The following LNX1 variants were observed in gnomAD, a reference collection of about 807,000 sequenced individuals.
The protein encoded by LNX1 is ligand of numb-protein X 1, also known as E3 ubiquitin-protein ligase LNX.
Under a neutral mutation model 68.4 loss-of-function variants are expected in LNX1, and 54 were observed. The observed-to-expected ratio is 0.79, with a 90% CI of 0.63 to 0.99. LNX1 has a LOEUF of 0.99. LNX1 is among the 50% of genes least tolerant of loss of function. The pLI, the probability that LNX1 is intolerant of heterozygous loss-of-function variation, is 0.00. For missense variants in LNX1, 906 were observed against 926.4 expected (o/e 0.98, Z 0.29); for synonymous variants, 336 against 350.0 (o/e 0.96, Z 0.45).
chr4:53,481,736 C>T lies in LNX1; in HGVS notation c.1469G>A (p.Arg490Lys). The T allele has an allele frequency of 2.5e-6, 4 of 1,613,798 alleles. No homozygotes were observed. Among genetic ancestry groups the T allele is most frequent in the Non-Finnish European group, 1.7e-6 (2 of 1,179,802 alleles). ...AGGCCTCACCTTGGGAGTGTTGCTC[C>T]TCTCCCCTGGCCCTGGGGACCAGCT... ...NGSWSPGPGE[R>K]SNTPKPLHPT... is the part of the protein sequence containing the mutation. Residue 490 changes from arginine to lysine, a missense_variant, in exon 7 of 11, where the codon AGG (arginine) becomes AAG (lysine). Physicochemically the swap from Arg to Lys is conservative, Grantham distance 26 (BLOSUM62 2). Coordinates refer to ENST00000263925, the MANE Select transcript of LNX1 (RefSeq NM_001126328.3).
intron 2 of LNX1, among the ~76,000 whole-genome samples, chr4:53,515,549 A>C (rs1460020021): frequency 6.6e-5 from 10 of 152,012 alleles, no homozygotes; most frequent in Non-Finnish European, 7.3e-5. Flanking sequence ...AGACCGACTT[A>C]AGAAACTGAT....
chr4:53,542,274 CA>C (rs1728815100), intron 2 of LNX1, among the ~76,000 whole-genome samples: 3 of 152,240 alleles, frequency 2.0e-5, no homozygotes, highest in Admixed American at 1.3e-4. Context: ...TTTAAATGAT[CA>C]CAGACAAATT....
intron 2 of LNX1, among the ~76,000 whole-genome samples, chr4:53,609,001 T>A (rs528549583): frequency 6.6e-6 from 1 of 152,172 alleles, no homozygotes; most frequent in East Asian, 1.9e-4. Context: ...AATACCCAAC[T>A]TCAAACCATA....
Position 53,576,097 on chromosome 4 carries a change from G to A in LNX1, c.-86-2009C>T, listed in dbSNP as rs184787637. The A allele has an allele frequency of 4.1e-4, 631 of 1,551,934 alleles. 2 individuals carry two copies. The African/African-American group carries it at 7.6e-3, about 19-fold the overall frequency. ...AGACCTGGTCGGGGACTTGGCCAGC[G>A]TGGTATTTGGGAGCCAGCGGCCCCT... On this transcript the variant is annotated intron_variant, in intron 1 of 10. Coordinates refer to ENST00000263925, the MANE Select transcript of LNX1 (RefSeq NM_001126328.3).
intron 2 of LNX1, among the ~76,000 whole-genome samples, chr4:53,544,381 G>C (rs1473372931): frequency 6.6e-6 from 1 of 152,170 alleles, no homozygotes; most frequent in Non-Finnish European, 1.5e-5. Flanking sequence ...TTTTAGTAAA[G>C]ACAGGGTTTC....
At chr4:53,466,824 T>TTA (rs1480885063) in intron 9 of LNX1, among the ~76,000 whole-genome samples, 2 of 152,196 alleles carry the variant, frequency 1.3e-5, no homozygotes, top group Non-Finnish European at 2.9e-5. Flanking sequence ...GTAAAGAAAG[T>TTA]GGCCTGGAAG....
At chr4:53,471,456 A>G (rs892756582) in intron 9 of LNX1, among the ~76,000 whole-genome samples, 1 of 152,058 alleles carries the variant, frequency 6.6e-6, no homozygotes, top group African/African-American at 2.4e-5. Context: ...CTAAAACATC[A>G]AAAGCAATGG....
At chr4:53,500,710 T>A (rs1167277291) in intron 4 of LNX1, among the ~76,000 whole-genome samples, 1 of 152,206 alleles carries the variant, frequency 6.6e-6, no homozygotes, top group Non-Finnish European at 1.5e-5. Flanking sequence ...AAGGCAGGGG[T>A]AAGCTGGCTT....
At chr4:53,582,898 C>G (rs1459243773) in intron 1 of LNX1, among the ~76,000 whole-genome samples, 2 of 152,040 alleles carry the variant, frequency 1.3e-5, no homozygotes, top group African/African-American at 2.4e-5. Flanking sequence ...ACCAAACAGA[C>G]CAGCGCCTGC....
intron 1 of LNX1, among the ~76,000 whole-genome samples, chr4:53,643,323 A>C (rs982956169): frequency 6.6e-6 from 1 of 151,852 alleles, no homozygotes; most frequent in Non-Finnish European, 1.5e-5. Context: ...CTAATTTTTA[A>C]GTTTTTTGTA....
chr4:53,527,088 C>T (rs1309728195), intron 2 of LNX1, among the ~76,000 whole-genome samples: 1 of 142,002 alleles, frequency 7.0e-6, no homozygotes, highest in Admixed American at 7.0e-5. Context: ...AGAACAAAAC[C>T]TGACCCAAGC....
rs1487958980 is a variant in LNX1, at chr4:53,460,436, C to CACAT, written c.*467_*470dup. The CACAT allele has an allele frequency of 1.6e-5, 3 of 190,456 alleles. No homozygotes were observed. The highest frequency in any genetic ancestry group is 7.0e-5 in the African/African-American group (3 of 42,908). The allele number at this position is 190,456 out of a possible 1,614,324, so 11.8% of individuals were successfully genotyped here. A position where few individuals can be genotyped will look rare whatever the true frequency, so the allele number is the denominator to read the frequency against. On this transcript the variant is annotated 3_prime_UTR_variant, in exon 11 of 11. Transcript: ENST00000263925. ...ATACAAAAGTAATCTTAATTAGTAT[C>CACAT]ACATACTAAAAGACAACTATAACTT...
chr4:53,592,637 T>C (rs1226119223), upstream of LNX1, among the ~76,000 whole-genome samples: 2 of 152,228 alleles, frequency 1.3e-5, no homozygotes, highest in African/African-American at 4.8e-5. Context: ...ATTTTCCTCC[T>C]ACTTTTGCCT....
At position 53,460,808 on chromosome 4, in the gene LNX1, ATTCT is replaced by A; in HGVS notation, c.*95_*98del. 8.4e-7 allele frequency: 1 copy of A among 1,192,824 alleles called. No homozygotes were observed. The highest frequency in any genetic ancestry group is 1.5e-5 in the South Asian group (1 of 67,750). 73.9% of individuals were successfully genotyped at this position (1,192,824 alleles called of 1,614,324 possible). On this transcript the variant is annotated 3_prime_UTR_variant, in exon 11 of 11. Coordinates refer to ENST00000263925, the MANE Select transcript of LNX1 (RefSeq NM_001126328.3). Reference sequence around the variant, plus strand: ...ACTTTTCCTGACATTTTTACAATGTATTCTTTCTTTAAATATAAAAACTGACAAG... The same window carrying A: ...ACTTTTCCTGACATTTTTACAATGTATTCTTTAAATATAAAAACTGACAAG...
In LNX1 at chr4:53,507,436, C is replaced by G. The variant is rs1427006570; in HGVS notation, c.656G>C (p.Arg219Thr). The G allele has an allele frequency of 1.2e-6, 2 of 1,614,108 alleles. No individual in the cohort carries two copies. Among genetic ancestry groups the G allele is most frequent in the Non-Finnish European group, 1.7e-6 (2 of 1,179,994 alleles). ...AGCTCGATTTATTTTTTTAAATGAT[C>G]TGCTTCTAATAGTGGATCTCTCAAA... is the stretch of plus-strand genomic sequence containing the variant. ...RPFERSTIRSRSFKKINRALS... is the reference protein window; with the variant it reads ...RPFERSTIRSTSFKKINRALS... Residue 219 changes from arginine to threonine, a missense_variant, in exon 4 of 11, where the codon AGA becomes ACA. By Grantham distance (71) the Arg-to-Thr change is moderately conservative. Coordinates refer to ENST00000263925, the MANE Select transcript of LNX1 (RefSeq NM_001126328.3).
In LNX1 at chr4:53,566,372, T is replaced by C. The variant is rs371525082; in HGVS notation, c.380+7251A>G. ...CATTCTTAAAGAAAAGAATTTTCAA[T>C]CCAGAATTTCATATCCAGCCAAACT... On this transcript the variant is annotated intron_variant, in intron 2 of 10. Transcript: ENST00000263925. 6.8e-3 allele frequency among the ~76,000 whole-genome samples: 1,022 copies of C among 150,522 alleles called. 10 individuals are homozygous for C. Among genetic ancestry groups the C allele is most frequent in the African/African-American group, 0.024 (942 of 40,066 alleles).
intron 2 of LNX1, among the ~76,000 whole-genome samples, chr4:53,540,281 G>GCTTAGGA (rs1361742184): frequency 6.6e-6 from 1 of 152,128 alleles, no homozygotes; most frequent in African/African-American, 2.4e-5. Context: ...CACTCGGGGG[G>GCTTAGGA]CTTAGGAGAG....
At chr4:53,640,338 C>A (rs1734631346) in intron 1 of LNX1, among the ~76,000 whole-genome samples, 1 of 152,158 alleles carries the variant, frequency 6.6e-6, no homozygotes, top group Admixed American at 6.5e-5. Flanking sequence ...TTTGGGAGAG[C>A]ATCCTTAGCT....
chr4:53,631,574 G>A (rs1454671329), intron 1 of LNX1, among the ~76,000 whole-genome samples: 1 of 152,112 alleles, frequency 6.6e-6, no homozygotes, highest in Admixed American at 6.5e-5. Flanking sequence ...AAATCCTCAA[G>A]CCAGTGGTTT....
Sources: gnomAD v4.1 joint callset for allele counts (sites outside exome capture counted in the v4.1 genomes callset) on GRCh38, gnomAD v4.1.1 for gene constraint, MANE v1.5 for transcripts, NCBI Gene and HGNC (gene_info 2026-07-23, HGNC 2026-07-21) for gene names.